Variants in DTNBP1 observed in about 807,000 individuals in gnomAD.
The protein encoded by DTNBP1 is dystrobrevin binding protein 1, also known as dysbindin.
A neutral mutation model predicts 42.8 loss-of-function variants in DTNBP1; 35 were observed. That is an observed-to-expected ratio of 0.82 (90% CI 0.63 to 1.09). The LOEUF (loss-of-function observed/expected upper bound fraction) is 1.09. Ranked by LOEUF, DTNBP1 falls within the 50% of genes least tolerant of loss-of-function variation. The pLI is 0.00. For missense variants in DTNBP1, 457 were observed against 424.2 expected (o/e 1.08, Z -0.68); for synonymous variants, 171 against 162.2 (o/e 1.05, Z -0.41).
chr6:15,597,541 G>A (rs1285330857), intron 6 of DTNBP1, among the ~76,000 whole-genome samples: 2 of 152,198 alleles, frequency 1.3e-5, no homozygotes, highest in Non-Finnish European at 2.9e-5. Flanking sequence ...CAGCCTTCAA[G>A]TTCATCTTTT....
At chr6:15,602,463 T>C (rs1776768466) in intron 6 of DTNBP1, among the ~76,000 whole-genome samples, 1 of 152,254 alleles carries the variant, frequency 6.6e-6, no homozygotes, top group Non-Finnish European at 1.5e-5. Flanking sequence ...GGTAATATCA[T>C]GGTTTTAGCT....
chr6:15,577,996 T>C (rs1775654241), intron 7 of DTNBP1, among the ~76,000 whole-genome samples: 4 of 152,202 alleles, frequency 2.6e-5, no homozygotes, highest in South Asian at 2.1e-4. Flanking sequence ...AGGAAAAGAA[T>C]AGTGAAGTAT....
intron 6 of DTNBP1, among the ~76,000 whole-genome samples, chr6:15,597,682 T>C (rs148954256): frequency 6.6e-6 from 1 of 152,348 alleles, no homozygotes; most frequent in African/African-American, 2.4e-5. Flanking sequence ...AGGTATCGTC[T>C]CTACAGTTCC....
intron 6 of DTNBP1, among the ~76,000 whole-genome samples, chr6:15,602,720 A>G (rs897988521): frequency 1.3e-5 from 2 of 152,220 alleles, no homozygotes; most frequent in Non-Finnish European, 2.9e-5. Flanking sequence ...AACCCAGGAT[A>G]ATAATAATTT....
At chr6:15,593,902 T>C (rs914898612) in intron 6 of DTNBP1, among the ~76,000 whole-genome samples, 1 of 152,190 alleles carries the variant, frequency 6.6e-6, no homozygotes, top group Admixed American at 6.5e-5. Flanking sequence ...TCTAGAGATG[T>C]TTTGAATTCT....
intron 7 of DTNBP1, among the ~76,000 whole-genome samples, chr6:15,566,429 G>A (rs1480815865): frequency 1.5e-4 from 23 of 152,094 alleles, no homozygotes; most frequent in Admixed American, 1.4e-3. Context: ...ACCATGGGAA[G>A]AGGGGGTCAG....
chr6:15,573,001 G>A (rs1775404624), intron 7 of DTNBP1, among the ~76,000 whole-genome samples: 2 of 152,126 alleles, frequency 1.3e-5, no homozygotes, highest in African/African-American at 4.8e-5. Flanking sequence ...AAACATATGG[G>A]GATTACAGGT....
rs543648507 is a variant in DTNBP1, at chr6:15,523,644, C to T, written c.812-425G>A. The stretch of plus-strand genomic sequence containing the variant: ...GAATTACTGACCTTCAGCAGTTCTC[C>T]AATTTTATGGAACTAAATAGGCTCT... On this transcript the variant is annotated intron_variant, in intron 9 of 9. Transcript: ENST00000344537. 1.6e-4 allele frequency: 207 copies of T among 1,287,446 alleles called. No individual in the cohort carries two copies. The South Asian group carries it at 2.4e-3, about 15-fold the overall frequency. The allele number at this position is 1,287,446 out of a possible 1,614,324, so 79.8% of individuals were successfully genotyped here.
chr6:15,626,740 C>A (rs968606433), intron 5 of DTNBP1, among the ~76,000 whole-genome samples: 2 of 152,038 alleles, frequency 1.3e-5, no homozygotes, highest in African/African-American at 4.8e-5. Flanking sequence ...AAACAGGTAC[C>A]CTAATTTACT....
At chr6:15,555,696 C>T (rs1774473521) in intron 7 of DTNBP1, among the ~76,000 whole-genome samples, 1 of 152,130 alleles carries the variant, frequency 6.6e-6, no homozygotes, top group South Asian at 2.1e-4. Flanking sequence ...TCCAGGAATC[C>T]CCACCCCTTT....
At chr6:15,609,480 C>T (rs1758273026) in intron 6 of DTNBP1, among the ~76,000 whole-genome samples, 1 of 151,990 alleles carries the variant, frequency 6.6e-6, no homozygotes, top group Non-Finnish European at 1.5e-5. Flanking sequence ...CTGCCATGCC[C>T]AGCTATTTTT....
At chr6:15,634,004 C>G (rs913965557) in intron 4 of DTNBP1, among the ~76,000 whole-genome samples, 2 of 152,082 alleles carry the variant, frequency 1.3e-5, no homozygotes, top group African/African-American at 4.8e-5. Context: ...TGCTTTCTGG[C>G]AATATTGGCT....
chr6:15,632,582 G>A (rs2619546), intron 4 of DTNBP1, among the ~76,000 whole-genome samples: 19,256 of 152,172 alleles, frequency 0.13, 1,547 homozygotes, highest in African/African-American at 0.23. Context: ...CAAGATGGCC[G>A]AATATGGGAT....
chr6:15,579,845 T>C (rs181060127), intron 7 of DTNBP1: 6 of 455,392 alleles, frequency 1.3e-5, no homozygotes, highest in African/African-American at 1.2e-4. Context: ...TTTTGAATGT[T>C]CTCAATGCAA....
chr6:15,651,489 T>G lies in DTNBP1; in HGVS notation c.111-126A>C, dbSNP rs1315720676. 3 of 1,306,430 alleles carry G rather than the reference T, an allele frequency of 2.3e-6. No homozygotes were observed. The East Asian group carries it at 7.4e-5, about 32-fold the overall frequency. The allele number at this position is 1,306,430 out of a possible 1,614,324, so 80.9% of individuals were successfully genotyped here. A position where few individuals can be genotyped will look rare whatever the true frequency, so the allele number is the denominator to read the frequency against. On this transcript the variant is annotated intron_variant, in intron 2 of 9. Transcript: ENST00000344537. ...TTTTAAAATCACTAATGACAATTAT[T>G]AAACTTTTAGAGAAATGTGTTTTAT... is the stretch of plus-strand genomic sequence containing the variant.
intron 7 of DTNBP1, among the ~76,000 whole-genome samples, chr6:15,581,874 A>G (rs1419697984): frequency 1.3e-5 from 2 of 152,230 alleles, no homozygotes; most frequent in Non-Finnish European, 2.9e-5. Context: ...CAAGGGGGAC[A>G]CAGTGTGCAG....
At chr6:15,592,946 A>T in intron 7 of DTNBP1, 113 bp downstream of exon 7, 1 of 1,100,074 alleles carries the variant, frequency 9.1e-7, no homozygotes. Flanking sequence ...ATTAAGTTTT[A>T]CTGTTTTATG....
intron 1 of DTNBP1, among the ~76,000 whole-genome samples, chr6:15,654,101 A>C (rs1457271576): frequency 1.3e-5 from 2 of 152,242 alleles, no homozygotes; most frequent in African/African-American, 4.8e-5. Context: ...TTTTCAAAAA[A>C]TAAAATATTG....
At chr6:15,530,209 A>T (rs548204879) in intron 8 of DTNBP1, among the ~76,000 whole-genome samples, 1 of 152,358 alleles carries the variant, frequency 6.6e-6, no homozygotes, top group Non-Finnish European at 1.5e-5. Context: ...TTGGAGATGA[A>T]GATTCCTCCC....
Sources: gnomAD v4.1 joint callset for allele counts (sites outside exome capture counted in the v4.1 genomes callset) on GRCh38, gnomAD v4.1.1 for gene constraint, MANE v1.5 for transcripts, NCBI Gene and HGNC (gene_info 2026-07-23, HGNC 2026-07-21) for gene names.